The following AGPAT4 variants were observed in gnomAD, a reference collection of about 807,000 sequenced individuals.
AGPAT4 encodes 1-acyl-sn-glycerol-3-phosphate acyltransferase delta.
Under a neutral mutation model 48.0 loss-of-function variants are expected in AGPAT4, and 15 were observed. That is an observed-to-expected ratio of 0.31 (90% confidence interval 0.21 to 0.48). The LOEUF is 0.48. Ranked by LOEUF, AGPAT4 falls within the 20% of genes least tolerant of loss-of-function variation. The probability of loss-of-function intolerance (pLI) is 0.99; values close to 1 mark genes in which losing one functional copy is unlikely to be tolerated. For missense variants in AGPAT4, 314 were observed against 482.5 expected (o/e 0.65, Z 3.27); for synonymous variants, 178 against 198.7 (o/e 0.90, Z 0.88).
At chr6:161,248,064 A>C (rs1018027944) in intron 1 of AGPAT4, among the ~76,000 whole-genome samples, 6 of 151,440 alleles carry the variant, frequency 4.0e-5, no homozygotes, top group Non-Finnish European at 7.4e-5. Flanking sequence ...AAATAGGAAG[A>C]GTGGAAGTCA....
intron 1 of AGPAT4, among the ~76,000 whole-genome samples, chr6:161,248,639 G>C (rs986578308): frequency 4.7e-5 from 7 of 149,096 alleles, no homozygotes; most frequent in African/African-American, 1.5e-4. Context: ...GCTACAAGGA[G>C]AACTACAAAA....
intron 3 of AGPAT4, among the ~76,000 whole-genome samples, chr6:161,157,175 T>C (rs913493857): frequency 6.6e-6 from 1 of 152,342 alleles, no homozygotes; most frequent in African/African-American, 2.4e-5. Context: ...GTGATTTTTA[T>C]TTTGTTAGAT....
rs1780549882 is a variant in AGPAT4, at chr6:161,180,412, A to G, written c.179-13995T>C. The stretch of plus-strand genomic sequence containing the variant: ...TGAGGAGTACACAGTTCACTGTTCA[A>G]GCACACGCCAACAGTCAGAACCTCC... On this transcript the variant is annotated intron_variant, in intron 2 of 8. Coordinates refer to ENST00000320285, the MANE Select transcript of AGPAT4 (RefSeq NM_020133.3). The surrounding 1 kb of genome is among the most constrained non-coding windows in gnomAD (Gnocchi z 6.4). 1.3e-5 allele frequency among the ~76,000 whole-genome samples: 2 copies of G among 152,212 alleles called. No individual in the cohort carries two copies. The highest frequency in any genetic ancestry group is 4.1e-4 in the South Asian group (2 of 4,834).
At chr6:161,273,359 AG>A in intron 1 of AGPAT4, among the ~76,000 whole-genome samples, 1 of 152,238 alleles carries the variant, frequency 6.6e-6, no homozygotes. Flanking sequence ...GAAAGTGAGG[AG>A]GGGTAGCCAC....
At position 161,221,760 on chromosome 6, in the gene AGPAT4, T is replaced by C. The variant is rs1781841362; in HGVS notation, c.178+10276A>G. On this transcript the variant is annotated intron_variant, in intron 2 of 8. Transcript: ENST00000320285. The surrounding 1 kb of genome is among the most constrained non-coding windows in gnomAD (Gnocchi z 4.5). ...TGTGTCACAGCTCTCTCCCAGCGGC[T>C]GGGAGCCAGGTGTTCCTTGGCTTGC... 6.6e-6 allele frequency among the ~76,000 whole-genome samples: 1 copy of C among 152,200 alleles called. No homozygotes were observed. The highest frequency in any genetic ancestry group is 1.5e-5 in the Non-Finnish European group (1 of 68,032).
At position 161,198,515 on chromosome 6, in the gene AGPAT4, T is replaced by C. The variant is rs892396311; in HGVS notation, c.179-32098A>G. ...GGTTGAGAAACCTGTCTTACGGCCA[T>C]GACAGTGAGAAAAATAAACCAGGTG... On this transcript the variant is annotated intron_variant, in intron 2 of 8. Transcript: ENST00000320285. This position sits in a 1 kb window ranked among gnomAD's most constrained non-coding sequence, Gnocchi z 4.3. Among the ~76,000 whole-genome samples the C allele has an allele frequency of 6.6e-6, 1 of 152,230 alleles. No homozygotes were observed. The highest frequency in any genetic ancestry group is 1.5e-5 in the Non-Finnish European group (1 of 68,032).
Position 161,219,872 on chromosome 6 carries a change from T to TAGAC in AGPAT4, c.178+12163_178+12164insGTCT, listed in dbSNP as rs1375144242. Among the ~76,000 whole-genome samples, 7 of 121,166 alleles carry TAGAC rather than the reference T, an allele frequency of 5.8e-5. No homozygotes were observed. The highest frequency in any genetic ancestry group is 1.1e-4 in the African/African-American group (4 of 35,238). The allele number at this position is 121,166 out of a possible 152,430, so 79.5% of individuals were successfully genotyped here. ...ATAGATAGATAGATAGATAGATAGA[T>TAGAC]AGGCAGGCAGGCAGGCAGGCAGGCA... On this transcript the variant is annotated intron_variant, in intron 2 of 8. Transcript: ENST00000320285. This position sits in a 1 kb window ranked among gnomAD's most constrained non-coding sequence, Gnocchi z 4.9.
Position 161,137,053 on chromosome 6 carries a change from C to G in AGPAT4, c.1043-419G>C, listed in dbSNP as rs1779090335. Among the ~76,000 whole-genome samples the G allele has an allele frequency of 6.6e-6, 1 of 152,306 alleles. No homozygotes were observed. The highest frequency in any genetic ancestry group is 2.4e-5 in the African/African-American group (1 of 41,570). On this transcript the variant is annotated intron_variant, in intron 8 of 8. Transcript: ENST00000320285. The surrounding 1 kb of genome is among the most constrained non-coding windows in gnomAD (Gnocchi z 6.1). ...CAGGAGCCTGGAAGACGCAAGAGCT[C>G]GAGTATCGAGTGCCCAACACGTTTC...
chr6:161,241,629 G>A (rs563818026), intron 1 of AGPAT4, among the ~76,000 whole-genome samples: 1 of 152,284 alleles, frequency 6.6e-6, no homozygotes, highest in South Asian at 2.1e-4. Flanking sequence ...AAACACAGAT[G>A]GAAAACCTTG....
rs1236228072 is a variant in AGPAT4, at chr6:161,270,180, C to T, written c.-90+3758G>A. ...TATCTTGTTTTGCTCACAGTTGCAT[C>T]TGTGGGACCTGACACCTATTAAACA... On this transcript the variant is annotated intron_variant, in intron 1 of 8. Transcript: ENST00000320285. This position sits in a 1 kb window ranked among gnomAD's most constrained non-coding sequence, Gnocchi z 5.3. Among the ~76,000 whole-genome samples, 1 of 152,224 alleles carries T rather than the reference C, an allele frequency of 6.6e-6. No homozygotes were observed. Among genetic ancestry groups the T allele is most frequent in the African/African-American group, 2.4e-5 (1 of 41,464 alleles).
At chr6:161,167,270 A>G (rs1780128815) in intron 2 of AGPAT4, among the ~76,000 whole-genome samples, 2 of 152,168 alleles carry the variant, frequency 1.3e-5, no homozygotes, top group South Asian at 4.1e-4. Context: ...TCTGTCACCC[A>G]GGCTAAGTGT....
In AGPAT4 at chr6:161,223,347, G is replaced by C. The variant is rs1781881046; in HGVS notation, c.178+8689C>G. On this transcript the variant is annotated intron_variant, in intron 2 of 8. Coordinates refer to ENST00000320285, the MANE Select transcript of AGPAT4 (RefSeq NM_020133.3). The surrounding 1 kb of genome is among the most constrained non-coding windows in gnomAD (Gnocchi z 6.3). ...AGATGTTTGCTTAACATCATCCTTG[G>C]GTGTTAAAATAAAAACTTGCATAGC... 6.6e-6 allele frequency among the ~76,000 whole-genome samples: 1 copy of C among 152,098 alleles called. No individual in the cohort carries two copies. Among genetic ancestry groups the C allele is most frequent in the Non-Finnish European group, 1.5e-5 (1 of 68,010 alleles).
At chr6:161,273,802 C>G (rs1431091178) in intron 1 of AGPAT4, 136 bp downstream of exon 1, 1 of 150,388 alleles carries the variant, frequency 6.6e-6, no homozygotes, top group African/African-American at 2.5e-5. Flanking sequence ...ACTCCCCCCC[C>G]GCCCCCGGAG....
rs535223556 is a variant in AGPAT4, at chr6:161,133,237, T to G, written c.*3303A>C. 7.2e-5 allele frequency: 11 copies of G among 152,382 alleles called. No homozygotes were observed. The highest frequency in any genetic ancestry group is 7.2e-4 in the Admixed American group (11 of 15,306). 9.4% of individuals were successfully genotyped at this position (152,382 alleles called of 1,614,324 possible). A position where few individuals can be genotyped will look rare whatever the true frequency, so the allele number is the denominator to read the frequency against. Reference sequence around the variant, plus strand: ...ACTCCAGTGGGGCCTTTTTTGTGTCTTTCACATCACTGTTACAAGTTGTGG... The same window carrying G: ...ACTCCAGTGGGGCCTTTTTTGTGTCGTTCACATCACTGTTACAAGTTGTGG... On this transcript the variant is annotated 3_prime_UTR_variant, in exon 9 of 9. Coordinates refer to ENST00000320285, the MANE Select transcript of AGPAT4 (RefSeq NM_020133.3).
rs142003672 is a variant in AGPAT4, at chr6:161,241,559, G to C, written c.-89-9257C>G. On this transcript the variant is annotated intron_variant, in intron 1 of 8. Transcript: ENST00000320285. The stretch of plus-strand genomic sequence containing the variant: ...ATAGTTGGTTCTGAGTAGCTTGTGA[G>C]AGAAAAACAAATTGGCAAGAGCTTT... 4.4e-3 allele frequency among the ~76,000 whole-genome samples: 677 copies of C among 152,274 alleles called. 10 individuals are homozygous for C. The highest frequency in any genetic ancestry group is 0.031 in the East Asian group (158 of 5,178).
chr6:161,138,653 T>G lies in AGPAT4; in HGVS notation c.1042+769A>C, dbSNP rs1285173160. Among the ~76,000 whole-genome samples, 1 of 152,216 alleles carries G rather than the reference T, an allele frequency of 6.6e-6. No homozygotes were observed. The highest frequency in any genetic ancestry group is 2.4e-5 in the African/African-American group (1 of 41,458). Reference sequence around the variant, plus strand: ...TGTTTGACAGAAAATAACTGAGTCCTGTCCATTTGGAAGAAGCACGTGATC... The same window carrying G: ...TGTTTGACAGAAAATAACTGAGTCCGGTCCATTTGGAAGAAGCACGTGATC... On this transcript the variant is annotated intron_variant, in intron 8 of 8. Transcript: ENST00000320285. The surrounding 1 kb of genome is among the most constrained non-coding windows in gnomAD (Gnocchi z 4.8).
In AGPAT4 at chr6:161,177,011, G is replaced by T. The variant is rs2114989093; in HGVS notation, c.179-10594C>A. Among the ~76,000 whole-genome samples, 1 of 152,134 alleles carries T rather than the reference G, an allele frequency of 6.6e-6. No individual in the cohort carries two copies. The highest frequency in any genetic ancestry group is 1.5e-5 in the Non-Finnish European group (1 of 68,000). On this transcript the variant is annotated intron_variant, in intron 2 of 8. Coordinates refer to ENST00000320285, the MANE Select transcript of AGPAT4 (RefSeq NM_020133.3). This position sits in a 1 kb window ranked among gnomAD's most constrained non-coding sequence, Gnocchi z 5.0. ...GTGTAGAGCTTCTGCCGAGAGATCT[G>T]CTGTTAGTCTGATGGGCTTCCTTTT...
intron 2 of AGPAT4, among the ~76,000 whole-genome samples, chr6:161,170,042 C>T (rs139945767): frequency 7.2e-4 from 109 of 152,284 alleles, no homozygotes; most frequent in Middle Eastern, 3.4e-3. Context: ...TGACCAAGAT[C>T]CCAGCTTCTG....
rs890211824 is a variant in AGPAT4, at chr6:161,143,226, C to CTT, written c.843+3297_843+3298insAA. Reference sequence around the variant, plus strand: ...TAGCTGGGACTACAGGTGTGTACCGCTAGGTGCAGCTAGTTTGTAAAATTT... The same window carrying CTT: ...TAGCTGGGACTACAGGTGTGTACCGCTTTAGGTGCAGCTAGTTTGTAAAATTT... On this transcript the variant is annotated intron_variant, in intron 7 of 8. Transcript: ENST00000320285. This position sits in a 1 kb window ranked among gnomAD's most constrained non-coding sequence, Gnocchi z 4.7. Among the ~76,000 whole-genome samples, 2 of 152,180 alleles carry CTT rather than the reference C, an allele frequency of 1.3e-5. No individual in the cohort carries two copies. The highest frequency in any genetic ancestry group is 2.9e-5 in the Non-Finnish European group (2 of 68,034).
Sources: gnomAD v4.1 joint callset for allele counts (sites outside exome capture counted in the v4.1 genomes callset) on GRCh38, gnomAD v4.1.1 for gene constraint, Gnocchi (gnomAD v3.1) non-coding constraint, MANE v1.5 for transcripts, NCBI Gene and HGNC (gene_info 2026-07-23, HGNC 2026-07-21) for gene names.